Variants in STRN observed in about 807,000 individuals in gnomAD.
STRN encodes the protein protein phosphatase 2 regulatory subunit B'''alpha.
Under a neutral mutation model 96.3 loss-of-function variants are expected in STRN, and 53 were observed. The ratio of observed to expected loss-of-function variants is 0.55; its 90% CI spans 0.44 to 0.69. The LOEUF (loss-of-function observed/expected upper bound fraction) is 0.69, where lower values mean the gene tolerates loss of function less well. Ranked by LOEUF, STRN falls within the 30% of genes least tolerant of loss-of-function variation. The probability of loss-of-function intolerance (pLI) is 0.00; values close to 1 mark genes in which losing one functional copy is unlikely to be tolerated. For synonymous variants in STRN, 428 were observed against 355.9 expected, an observed-to-expected ratio of 1.20 and a Z score of -2.28; for missense variants, 987 against 963.9, an observed-to-expected ratio of 1.02 and a Z score of -0.32.
intron 6 of STRN, among the ~76,000 whole-genome samples, chr2:36,898,733 C>T (rs1161705395): frequency 3.9e-5 from 6 of 152,228 alleles, no homozygotes; most frequent in Non-Finnish European, 4.4e-5. Flanking sequence ...GTTAGAGGTC[C>T]GATCTGCTTT....
At chr2:36,925,485 C>T (rs1334224625) in intron 1 of STRN, among the ~76,000 whole-genome samples, 1 of 152,068 alleles carries the variant, frequency 6.6e-6, no homozygotes, top group Non-Finnish European at 1.5e-5. Flanking sequence ...CAATATAAAA[C>T]AACTAATATT....
At chr2:36,937,485 G>A (rs918762649) in intron 1 of STRN, among the ~76,000 whole-genome samples, 1 of 151,900 alleles carries the variant, frequency 6.6e-6, no homozygotes, top group African/African-American at 2.4e-5. Flanking sequence ...CCTGGGCAAC[G>A]CACTGAGAAT....
At chr2:36,870,834 G>C (rs546381538) in intron 10 of STRN, among the ~76,000 whole-genome samples, 1 of 152,150 alleles carries the variant, frequency 6.6e-6, no homozygotes, top group Non-Finnish European at 1.5e-5. Flanking sequence ...AAAGATGACA[G>C]CTCCATGACT....
At chr2:36,869,823 T>G (rs1431502413) in intron 10 of STRN, 94 bp from the exon 11 acceptor site, 15 of 1,077,664 alleles carry the variant, frequency 1.4e-5, no homozygotes, top group Non-Finnish European at 1.9e-5. Context: ...GATGTGTCAA[T>G]AAACGATCAC....
intron 1 of STRN, among the ~76,000 whole-genome samples, chr2:36,940,541 T>C (rs1277184695): frequency 6.6e-6 from 1 of 151,928 alleles, no homozygotes; most frequent in African/African-American, 2.4e-5. Context: ...AAAAAGTAAA[T>C]TAGGGGCTGG....
At chr2:36,910,671 G>A (rs1253335307) in intron 3 of STRN, among the ~76,000 whole-genome samples, 1 of 152,078 alleles carries the variant, frequency 6.6e-6, no homozygotes, top group Non-Finnish European at 1.5e-5. Context: ...GAAAAAGAAG[G>A]AAAAGAAACA....
At chr2:36,910,524 T>C (rs546383916) in intron 3 of STRN, among the ~76,000 whole-genome samples, 6 of 152,312 alleles carry the variant, frequency 3.9e-5, no homozygotes, top group Middle Eastern at 3.4e-3. Context: ...TGGTGTATTA[T>C]CACTTGAAGA....
At chr2:36,901,895 T>C (rs1558645109) in intron 5 of STRN, among the ~76,000 whole-genome samples, 1 of 152,180 alleles carries the variant, frequency 6.6e-6, no homozygotes, top group Non-Finnish European at 1.5e-5. Flanking sequence ...ATTAAAACCA[T>C]TCTTCCTTCC....
intron 2 of STRN, among the ~76,000 whole-genome samples, chr2:36,924,402 T>C (rs898906843): frequency 4.0e-5 from 6 of 150,676 alleles, no homozygotes; most frequent in Non-Finnish European, 8.9e-5. Context: ...CATAGTCTGC[T>C]GGAACAATTT....
chr2:36,849,552 T>G lies in STRN; in HGVS notation c.2247A>C (p.Lys749Asn). ...TCIQEFTAHR[K>N]KFEESIHDVA... ...CATCATGAATCGATTCTTCAAACTT[T>G]TTTCGATGAGCTGTGAATTCTTGGA... Residue 749 changes from lysine to asparagine, a missense_variant, in exon 18 of 18, where the codon AAA becomes AAC. By Grantham distance (94) the Lys-to-Asn change is moderately conservative. Coordinates refer to ENST00000263918, the MANE Select transcript of STRN (RefSeq NM_003162.4). 1 of 1,614,168 alleles carries G rather than the reference T, an allele frequency of 6.2e-7. No homozygotes were observed. Among genetic ancestry groups the G allele is most frequent in the Non-Finnish European group, 8.5e-7 (1 of 1,180,016 alleles).
chr2:36,893,406 T>C lies in STRN; in HGVS notation c.931+492A>G, dbSNP rs376272741. ...TTTTCCCCAAAATACTTGTTTCAAC[T>C]CTTATTAGGTGTTTAAAATATTTGA... On this transcript the variant is annotated intron_variant, in intron 7 of 17. Transcript: ENST00000263918. Among the ~76,000 whole-genome samples, 7 of 149,964 alleles carry C rather than the reference T, an allele frequency of 4.7e-5. No individual in the cohort carries two copies. In the East Asian group the frequency reaches 7.9e-4, roughly 17 times the overall value.
rs139693749 is a variant in STRN, at chr2:36,871,947, G to A, written c.1324-2218C>T. ...GAGAACATAAAATACATCATCCAAG[G>A]AACTACTGTAACTACTGGGGCTGGT... On this transcript the variant is annotated intron_variant, in intron 10 of 17. Coordinates refer to ENST00000263918, the MANE Select transcript of STRN (RefSeq NM_003162.4). 5.6e-3 allele frequency among the ~76,000 whole-genome samples: 851 copies of A among 152,298 alleles called. 8 individuals are homozygous for A. The highest frequency in any genetic ancestry group is 0.019 in the African/African-American group (783 of 41,562).
At chr2:36,888,783 C>G (rs1177075226) in intron 7 of STRN, among the ~76,000 whole-genome samples, 1 of 151,974 alleles carries the variant, frequency 6.6e-6, no homozygotes, top group African/African-American at 2.4e-5. Flanking sequence ...TGGGCTGAAG[C>G]GATCCTCCCA....
At chr2:36,928,172 G>A (rs17020072) in intron 1 of STRN, among the ~76,000 whole-genome samples, 12,120 of 151,902 alleles carry the variant, frequency 0.08, 644 homozygotes, top group African/African-American at 0.14. Flanking sequence ...GACCTCAGTC[G>A]AAAGCATAAT....
intron 3 of STRN, among the ~76,000 whole-genome samples, chr2:36,907,423 C>T (rs1265767207): frequency 6.6e-6 from 1 of 152,060 alleles, no homozygotes; most frequent in Non-Finnish European, 1.5e-5. Context: ...GTGGCACATG[C>T]CTGTTTCCCA....
intron 12 of STRN, among the ~76,000 whole-genome samples, chr2:36,865,290 G>C (rs1478955868): frequency 6.6e-6 from 1 of 152,114 alleles, no homozygotes; most frequent in African/African-American, 2.4e-5. Flanking sequence ...TTTCTGGCTG[G>C]TTTTTGTATT....
intron 7 of STRN, among the ~76,000 whole-genome samples, chr2:36,887,042 GACACACACACACACACACACACAC>G (rs70946957): frequency 4.8e-5 from 7 of 144,890 alleles, no homozygotes; most frequent in South Asian, 2.2e-4. Flanking sequence ...TCTCCTGAAA[GACACACACACACACACACACACAC>G]ACACACACAC....
In STRN at chr2:36,838,508, G is replaced by A. The variant is rs1667871298; in HGVS notation, c.*10948C>T. 6.6e-6 allele frequency among the ~76,000 whole-genome samples: 1 copy of A among 152,036 alleles called. No individual in the cohort carries two copies. Among genetic ancestry groups the A allele is most frequent in the Non-Finnish European group, 1.5e-5 (1 of 68,008 alleles). On this transcript the variant is annotated 3_prime_UTR_variant, in exon 18 of 18. Transcript: ENST00000263918. ...GGAAAATGGAAATTAAAATAACACT[G>A]AAAAATCACTACATCCACCAGGATT... is the stretch of plus-strand genomic sequence containing the variant.
At chr2:36,958,623 A>C (rs1304929284) in intron 1 of STRN, among the ~76,000 whole-genome samples, 1 of 152,242 alleles carries the variant, frequency 6.6e-6, no homozygotes, top group Non-Finnish European at 1.5e-5. Flanking sequence ...ATTATCGAGA[A>C]TAAAGCATGG....
Sources: allele counts gnomAD v4.1 joint callset (sites outside exome capture counted in the v4.1 genomes callset), GRCh38; gene constraint gnomAD v4.1.1; transcripts MANE v1.5; gene names NCBI Gene and HGNC (gene_info 2026-07-23, HGNC 2026-07-21).